The following NRG3 variants were observed in gnomAD, a reference collection of about 807,000 sequenced individuals.
The protein encoded by NRG3 is neuregulin 3.
NRG3 carries 31 observed loss-of-function variants against 66.9 expected under a neutral mutation model. The observed-to-expected ratio is 0.46, with a 90% CI of 0.35 to 0.63. NRG3 has a LOEUF of 0.63. Ranked by LOEUF, NRG3 falls within the 20% of genes least tolerant of loss-of-function variation. The probability of loss-of-function intolerance (pLI) is 0.00; values close to 1 mark genes in which losing one functional copy is unlikely to be tolerated. For missense variants in NRG3, 910 were observed against 878.9 expected, an observed-to-expected ratio of 1.04 and a Z score of -0.45; for synonymous variants, 393 against 359.4, an observed-to-expected ratio of 1.09 and a Z score of -1.06.
chr10:82,055,272 C>G (rs559705668), intron 1 of NRG3, among the ~76,000 whole-genome samples: 2 of 151,530 alleles, frequency 1.3e-5, no homozygotes, highest in Non-Finnish European at 2.9e-5. Context: ...GTCAGGAGAT[C>G]GAGACAATCC....
intron 1 of NRG3, among the ~76,000 whole-genome samples, chr10:82,101,115 G>T (rs1256616335): frequency 6.6e-6 from 1 of 151,822 alleles, no homozygotes. Flanking sequence ...GACACAGACA[G>T]ATTTGTATTA....
chr10:82,244,221 G>A (rs1007026138), intron 1 of NRG3, among the ~76,000 whole-genome samples: 1 of 152,150 alleles, frequency 6.6e-6, no homozygotes, highest in African/African-American at 2.4e-5. Flanking sequence ...AACTGGCAGG[G>A]AACCTAATTA....
At chr10:82,963,496 C>T (rs569084372) in intron 6 of NRG3, among the ~76,000 whole-genome samples, 13 of 151,800 alleles carry the variant, frequency 8.6e-5, no homozygotes, top group South Asian at 4.2e-4. Context: ...CTGGCTAACA[C>T]GGTGAAACCC....
At chr10:82,435,776 T>G in intron 2 of NRG3, among the ~76,000 whole-genome samples, 1 of 142,408 alleles carries the variant, frequency 7.0e-6, no homozygotes, top group South Asian at 2.1e-4. Context: ...TTTCTTTTCT[T>G]TTCTTTTTTT....
chr10:82,091,254 G>A (rs2144393), intron 1 of NRG3, among the ~76,000 whole-genome samples: 134,708 of 152,156 alleles, frequency 0.89, 59,754 homozygotes, highest in East Asian at 1. Context: ...CACTGTCTAT[G>A]TCCCCGATTT....
chr10:82,774,662 T>C (rs890586605), intron 3 of NRG3, among the ~76,000 whole-genome samples: 1 of 152,002 alleles, frequency 6.6e-6, no homozygotes, highest in East Asian at 1.9e-4. Context: ...GTCTTCACTC[T>C]TTTTTTCTTA....
intron 1 of NRG3, among the ~76,000 whole-genome samples, chr10:82,332,814 T>A: frequency 6.6e-6 from 1 of 152,144 alleles, no homozygotes. Flanking sequence ...AAACTGATAC[T>A]TATGATCCAA....
intron 1 of NRG3, among the ~76,000 whole-genome samples, chr10:82,215,833 C>A (rs886694235): frequency 6.7e-6 from 1 of 148,298 alleles, no homozygotes; most frequent in African/African-American, 2.5e-5. Context: ...TATATTCAGC[C>A]CTTTATAAAT....
intron 1 of NRG3, among the ~76,000 whole-genome samples, chr10:82,303,647 A>G (rs1476101509): frequency 6.6e-6 from 1 of 152,132 alleles, no homozygotes; most frequent in South Asian, 2.1e-4. Flanking sequence ...AGGTGGGTGG[A>G]TCATGAGGTC....
At chr10:82,861,750 T>G (rs2064141224) in intron 3 of NRG3, among the ~76,000 whole-genome samples, 1 of 152,172 alleles carries the variant, frequency 6.6e-6, no homozygotes, top group Non-Finnish European at 1.5e-5. Flanking sequence ...AGGCTGTATC[T>G]AAAGACTTTC....
intron 2 of NRG3, among the ~76,000 whole-genome samples, chr10:82,407,916 A>C (rs2087653928): frequency 6.6e-6 from 1 of 151,904 alleles, no homozygotes; most frequent in Non-Finnish European, 1.5e-5. Context: ...TAAAAATACA[A>C]AAATTAGTCA....
Position 81,915,496 on chromosome 10 carries a change from G to GT in NRG3, c.823+39347dup, listed in dbSNP as rs78693924. The stretch of plus-strand genomic sequence containing the variant: ...GTTAAAGTCAGCTCACACTTCTTTA[G>GT]TTTTTTTTTTTTTTGCCAAAACACA... On this transcript the variant is annotated intron_variant, in intron 1 of 8. Coordinates refer to ENST00000372141, the MANE Select transcript of NRG3 (RefSeq NM_001010848.4). 3.2e-3 allele frequency among the ~76,000 whole-genome samples: 420 copies of GT among 130,592 alleles called. 2 individuals are homozygous for GT. The highest frequency in any genetic ancestry group is 7.8e-3 in the Middle Eastern group (2 of 256). 85.7% of individuals were successfully genotyped at this position (130,592 alleles called of 152,430 possible). A position where few individuals can be genotyped will look rare whatever the true frequency, so the allele number is the denominator to read the frequency against.
chr10:82,269,231 T>C (rs563563340), intron 1 of NRG3, among the ~76,000 whole-genome samples: 1 of 152,120 alleles, frequency 6.6e-6, no homozygotes, highest in Non-Finnish European at 1.5e-5. Flanking sequence ...TAGCCTCTAA[T>C]AGGAGGTGGT....
intron 4 of NRG3, among the ~76,000 whole-genome samples, chr10:82,907,218 G>A (rs1338613360): frequency 6.6e-6 from 1 of 152,038 alleles, no homozygotes; most frequent in Non-Finnish European, 1.5e-5. Flanking sequence ...TAGTTCACTG[G>A]GGGATAAATT....
At chr10:82,774,566 C>T (rs573595593) in intron 3 of NRG3, among the ~76,000 whole-genome samples, 65 of 151,850 alleles carry the variant, frequency 4.3e-4, no homozygotes, top group African/African-American at 1.5e-3. Context: ...TATAATTGTT[C>T]ACAATAGCCG....
intron 1 of NRG3, among the ~76,000 whole-genome samples, chr10:82,191,918 G>C (rs766751498): frequency 6.6e-6 from 1 of 152,174 alleles, no homozygotes; most frequent in Non-Finnish European, 1.5e-5. Flanking sequence ...TGGCCCTGCG[G>C]TTGAGGGTTC....
intron 3 of NRG3, among the ~76,000 whole-genome samples, chr10:82,747,878 A>T (rs1417429629): frequency 6.6e-6 from 1 of 151,894 alleles, no homozygotes; most frequent in Non-Finnish European, 1.5e-5. Flanking sequence ...CCTTAGCCTA[A>T]GAATGAAATG....
chr10:82,947,700 G>T (rs1389638044), intron 4 of NRG3, among the ~76,000 whole-genome samples: 1 of 151,878 alleles, frequency 6.6e-6, no homozygotes, highest in Admixed American at 6.6e-5. Flanking sequence ...ATCTTTTTAG[G>T]TACTTATTTG....
chr10:82,338,516 A>C (rs924948131), intron 1 of NRG3, among the ~76,000 whole-genome samples: 1 of 152,150 alleles, frequency 6.6e-6, no homozygotes, highest in Non-Finnish European at 1.5e-5. Context: ...ATCTGAACTG[A>C]TTTCCTCACT....
Sources: gnomAD v4.1 joint callset for allele counts (sites outside exome capture counted in the v4.1 genomes callset) on GRCh38, gnomAD v4.1.1 for gene constraint, MANE v1.5 for transcripts, NCBI Gene and HGNC (gene_info 2026-07-23, HGNC 2026-07-21) for gene names.